Variants in HEATR4 observed in about 807,000 individuals in gnomAD.
HEATR4 encodes the protein HEAT repeat-containing protein 4.
A neutral mutation model predicts 108.8 loss-of-function variants in HEATR4; 95 were observed. That is an observed-to-expected ratio of 0.87 (90% confidence interval 0.74 to 1.04). The LOEUF (loss-of-function observed/expected upper bound fraction) is 1.04. Among genes scored for constraint, HEATR4 ranks in the 50% least tolerant of loss-of-function variants. The pLI, the probability that HEATR4 is intolerant of heterozygous loss-of-function variation, is 0.00. For missense variants in HEATR4, 1,152 were observed against 1,253.8 expected, an observed-to-expected ratio of 0.92 and a Z score of 1.23; for synonymous variants, 443 against 459.4, an observed-to-expected ratio of 0.96 and a Z score of 0.46.
At position 73,544,040 on chromosome 14, in the gene HEATR4, C is replaced by G. The variant is rs1462809355; in HGVS notation, c.-151-13796G>C. Among the ~76,000 whole-genome samples, 2 of 114,534 alleles carry G rather than the reference C, an allele frequency of 1.7e-5. 1 individual carries two copies. The highest frequency in any genetic ancestry group is 3.8e-5 in the Non-Finnish European group (2 of 52,550). 75.1% of individuals were successfully genotyped at this position (114,534 alleles called of 152,430 possible). ...AGGCGTGGTGGCTCACACCTGTAAT[C>G]CTAGCACTTTGGGAGGCCAAGGTGC... is the stretch of plus-strand genomic sequence containing the variant. On this transcript the variant is annotated intron_variant, in intron 1 of 17. Transcript: ENST00000553558.
At chr14:73,582,729 A>C in the HEATR4 span, 2 of 152,000 alleles carry the variant, frequency 1.3e-5, no homozygotes, top group African/African-American at 4.8e-5. Context: ...CTTACTAGCA[A>C]CACCTCTTCC....
chr14:73,626,683 A>G, the HEATR4 span, among the ~76,000 whole-genome samples: 1 of 152,010 alleles, frequency 6.6e-6, no homozygotes, highest in Admixed American at 6.6e-5. Context: ...GTTCAAGGTG[A>G]AGCAGCAAAC....
chr14:73,599,208 C>T, the HEATR4 span, among the ~76,000 whole-genome samples: 2 of 152,028 alleles, frequency 1.3e-5, no homozygotes, highest in Non-Finnish European at 2.9e-5. Context: ...ATTTAAATCT[C>T]GGTGGAGACT....
intron 17 of HEATR4, among the ~76,000 whole-genome samples, chr14:73,490,084 G>A (rs552823805): frequency 6.6e-6 from 1 of 152,316 alleles, no homozygotes; most frequent in African/African-American, 2.4e-5. Flanking sequence ...AAACAGTCAA[G>A]TAGCCATTTC....
At chr14:73,538,020 C>T in intron 1 of HEATR4, 1 of 768,870 alleles carries the variant, frequency 1.3e-6, no homozygotes, top group Non-Finnish European at 1.8e-6. Flanking sequence ...CACCACCACC[C>T]CGGGCTATGT....
chr14:73,619,290 C>T, the HEATR4 span: 1 of 1,611,946 alleles, frequency 6.2e-7, no homozygotes, highest in Admixed American at 1.7e-5. Context: ...ACCTGTGTCT[C>T]TCAATGGCTT....
Position 73,508,303 on chromosome 14 carries a change from G to T in HEATR4, c.1721-9C>A, listed in dbSNP as rs955273951. Reference sequence around the variant, plus strand: ...GCTATCCACACTGTTACCTGCCACAGTTGGGTGAAAAAGAGTTCAGAATGG... The same window carrying T: ...GCTATCCACACTGTTACCTGCCACATTTGGGTGAAAAAGAGTTCAGAATGG... On this transcript the variant is annotated splice_polypyrimidine_tract_variant and intron_variant, in intron 8 of 17. Transcript: ENST00000553558. 6.2e-7 allele frequency: 1 copy of T among 1,612,904 alleles called. No homozygotes were observed. Among genetic ancestry groups the T allele is most frequent in the Non-Finnish European group, 8.5e-7 (1 of 1,179,652 alleles).
the HEATR4 span, chr14:73,569,603 G>A: frequency 3.1e-6 from 5 of 1,601,552 alleles, no homozygotes; most frequent in Non-Finnish European, 4.3e-6. Context: ...CTCTTGGCGA[G>A]CTGGACCTGG....
the HEATR4 span, chr14:73,612,366 A>G: frequency 4.8e-6 from 2 of 416,758 alleles, no homozygotes; most frequent in Non-Finnish European, 8.3e-6. Flanking sequence ...CTCTTATTTC[A>G]GCAGATACTC....
Position 73,532,647 on chromosome 14 carries a change from G to A in HEATR4, c.-151-2403C>T, listed in dbSNP as rs536942389. ...CCACCATAAAAGAGCGAGAGGGTAC[G>A]TTTTTGGTATGAAAAGTAAAGACTA... On this transcript the variant is annotated intron_variant, in intron 1 of 17. Coordinates refer to ENST00000553558, the MANE Select transcript of HEATR4 (RefSeq NM_001220484.1). Among the ~76,000 whole-genome samples, 5 of 115,388 alleles carry A rather than the reference G, an allele frequency of 4.3e-5. 2 individuals carry two copies. In the South Asian group the frequency reaches 8.2e-4, roughly 19 times the overall value. 75.7% of individuals were successfully genotyped at this position (115,388 alleles called of 152,430 possible). A position where few individuals can be genotyped will look rare whatever the true frequency, so the allele number is the denominator to read the frequency against.
At chr14:73,590,627 G>A in the HEATR4 span, among the ~76,000 whole-genome samples, 1 of 152,178 alleles carries the variant, frequency 6.6e-6, no homozygotes, top group Non-Finnish European at 1.5e-5. Flanking sequence ...CTGCGCCGCG[G>A]GGAGGCAGCT....
At chr14:73,607,194 C>G in the HEATR4 span, among the ~76,000 whole-genome samples, 1 of 152,194 alleles carries the variant, frequency 6.6e-6, no homozygotes, top group South Asian at 2.1e-4. Context: ...CCTATGATCC[C>G]AGCTACTCGG....
the HEATR4 span, chr14:73,573,463 T>A: frequency 6.2e-7 from 1 of 1,613,798 alleles, no homozygotes; most frequent in Non-Finnish European, 8.5e-7. Context: ...GCTAGTCTGC[T>A]GGCTGGGAAG....
chr14:73,531,601 G>A (rs1888706601), intron 1 of HEATR4, among the ~76,000 whole-genome samples: 1 of 108,828 alleles, frequency 9.2e-6, no homozygotes, highest in African/African-American at 3.0e-5. Flanking sequence ...TAGAGATGGG[G>A]TTTCACCATA....
the HEATR4 span, among the ~76,000 whole-genome samples, chr14:73,625,504 G>A: frequency 2.6e-5 from 4 of 152,080 alleles, no homozygotes; most frequent in African/African-American, 9.7e-5. Flanking sequence ...TGGGATTACA[G>A]GTGCATGCCA....
At chr14:73,569,998 T>G in the HEATR4 span, 8 of 1,415,044 alleles carry the variant, frequency 5.7e-6, no homozygotes, top group Non-Finnish European at 7.4e-6. Context: ...CGGGCTATAT[T>G]GCCCAGGCAG....
At chr14:73,612,649 G>A in the HEATR4 span, 1 of 1,406,948 alleles carries the variant, frequency 7.1e-7, no homozygotes, top group Non-Finnish European at 9.2e-7. Flanking sequence ...TGCGCGGCCT[G>A]GCCCCGGAGC....
intron 16 of HEATR4, among the ~76,000 whole-genome samples, chr14:73,494,111 T>C (rs1167445640): frequency 6.6e-6 from 1 of 152,218 alleles, no homozygotes; most frequent in Non-Finnish European, 1.5e-5. Flanking sequence ...GAAGGAAGGC[T>C]ACTGTTCAAG....
the HEATR4 span, among the ~76,000 whole-genome samples, chr14:73,590,551 T>C: frequency 6.6e-6 from 1 of 152,142 alleles, no homozygotes; most frequent in Non-Finnish European, 1.5e-5. Flanking sequence ...TTGAGGAGGC[T>C]CGGACCGCGC....
Sources: gnomAD v4.1 joint callset for allele counts (sites outside exome capture counted in the v4.1 genomes callset) on GRCh38, gnomAD v4.1.1 for gene constraint, MANE v1.5 for transcripts, NCBI Gene and HGNC (gene_info 2026-07-23, HGNC 2026-07-21) for gene names.